Variants in MAML2 observed in about 807,000 individuals in gnomAD.
The protein encoded by MAML2 is mastermind-like protein 2.
In MAML2, 22 loss-of-function variants were observed where a neutral mutation model predicts 96.1. The ratio of observed to expected loss-of-function variants is 0.23; its 90% CI spans 0.16 to 0.33. The LOEUF (loss-of-function observed/expected upper bound fraction) is 0.33. MAML2 is among the 10% of genes least tolerant of loss of function. The probability of loss-of-function intolerance (pLI) is 1.00; values close to 1 mark genes in which losing one functional copy is unlikely to be tolerated. For missense variants in MAML2, 1,367 were observed against 1,392.4 expected, an observed-to-expected ratio of 0.98 and a Z score of 0.29; for synonymous variants, 561 against 521.3, an observed-to-expected ratio of 1.08 and a Z score of -1.04.
chr11:96,271,422 T>G (rs1367596844), intron 1 of MAML2, among the ~76,000 whole-genome samples: 1 of 152,126 alleles, frequency 6.6e-6, no homozygotes, highest in Non-Finnish European at 1.5e-5. Flanking sequence ...TGGAATGATA[T>G]AGTTTGGCTT....
intron 2 of MAML2, among the ~76,000 whole-genome samples, chr11:96,049,720 G>T (rs750096915): frequency 6.6e-6 from 1 of 152,180 alleles, no homozygotes; most frequent in Non-Finnish European, 1.5e-5. Flanking sequence ...TATACAGTAA[G>T]AATTTAATAA....
chr11:95,978,018 A>T lies in MAML2; in HGVS notation c.*930T>A, dbSNP rs1857674397. On this transcript the variant is annotated 3_prime_UTR_variant, in exon 5 of 5. Coordinates refer to ENST00000524717, the MANE Select transcript of MAML2 (RefSeq NM_032427.4). ...ACCAGCCTCAGTCATCAAAATGAGT[A>T]GGGAGGACGAGGTTCAATTTCACTC... 7 of 219,232 alleles carry T rather than the reference A, an allele frequency of 3.2e-5. No individual in the cohort carries two copies. In the East Asian group the frequency reaches 4.7e-4, roughly 15 times the overall value. 13.6% of individuals were successfully genotyped at this position (219,232 alleles called of 1,614,324 possible).
intron 2 of MAML2, among the ~76,000 whole-genome samples, chr11:96,052,455 T>C (rs1859003290): frequency 6.6e-6 from 1 of 152,018 alleles, no homozygotes; most frequent in South Asian, 2.1e-4. Context: ...AGTAAGAGAG[T>C]CAGGAGCCAC....
chr11:96,162,388 G>T (rs115019323), intron 1 of MAML2, among the ~76,000 whole-genome samples: 1 of 151,804 alleles, frequency 6.6e-6, no homozygotes, highest in East Asian at 1.9e-4. Context: ...CTATGCTCCC[G>T]GAATTGTAGT....
intron 1 of MAML2, among the ~76,000 whole-genome samples, chr11:96,189,438 AT>A (rs1205186869): frequency 6.6e-6 from 1 of 152,224 alleles, no homozygotes; most frequent in Non-Finnish European, 1.5e-5. Flanking sequence ...TGAATTCTCC[AT>A]TTGAAATACC....
chr11:96,050,785 A>G (rs1244457696), intron 2 of MAML2, among the ~76,000 whole-genome samples: 2 of 152,204 alleles, frequency 1.3e-5, no homozygotes, highest in African/African-American at 4.8e-5. Flanking sequence ...GAGTTGTTAC[A>G]AGAGTTACTG....
intron 2 of MAML2, among the ~76,000 whole-genome samples, chr11:96,036,908 T>A (rs1347562451): frequency 6.6e-6 from 1 of 152,202 alleles, no homozygotes; most frequent in Non-Finnish European, 1.5e-5. Context: ...TAGTCTCCAC[T>A]CCCAGCTCAG....
At position 96,287,929 on chromosome 11, in the gene MAML2, C is replaced by T. The variant is rs937704509; in HGVS notation, c.513+53454G>A. ...CAGCTGAATCATTAAATACACGTTGCTTGCAATTTTGTGCAGTGGAACGGA... is the reference window on the plus strand; with the variant it reads ...CAGCTGAATCATTAAATACACGTTGTTTGCAATTTTGTGCAGTGGAACGGA... On this transcript the variant is annotated intron_variant, in intron 1 of 4. Transcript: ENST00000524717. 5.9e-5 allele frequency among the ~76,000 whole-genome samples: 9 copies of T among 152,290 alleles called. No homozygotes were observed. In the South Asian group the frequency reaches 1.0e-3, roughly 18 times the overall value.
chr11:96,270,186 G>T (rs1862895493), intron 1 of MAML2, among the ~76,000 whole-genome samples: 1 of 108,104 alleles, frequency 9.3e-6, no homozygotes, highest in South Asian at 2.7e-4. Context: ...AAAAGACTTG[G>T]CATCTAGGTT....
intron 2 of MAML2, among the ~76,000 whole-genome samples, chr11:96,054,214 C>T (rs1859029081): frequency 6.6e-6 from 1 of 152,102 alleles, no homozygotes; most frequent in Admixed American, 6.5e-5. Flanking sequence ...TTGTCAGTGT[C>T]CTGATTCTAA....
At chr11:96,178,969 A>G (rs1174582949) in intron 1 of MAML2, among the ~76,000 whole-genome samples, 1 of 152,224 alleles carries the variant, frequency 6.6e-6, no homozygotes, top group Non-Finnish European at 1.5e-5. Context: ...GCCCGATGAA[A>G]TGGTCACCCT....
At chr11:96,035,170 G>A (rs994567253) in intron 2 of MAML2, among the ~76,000 whole-genome samples, 16 of 152,142 alleles carry the variant, frequency 1.1e-4, no homozygotes, top group Admixed American at 7.9e-4. Context: ...GAATTGTGTG[G>A]TACCCTTTAG....
At chr11:96,258,994 A>AT (rs1292721449) in intron 1 of MAML2, among the ~76,000 whole-genome samples, 1 of 152,086 alleles carries the variant, frequency 6.6e-6, no homozygotes, top group Non-Finnish European at 1.5e-5. Flanking sequence ...AGGCCCTGAG[A>AT]TTTTTTACGA....
In MAML2 at chr11:95,989,148, A is replaced by G. The variant is rs568890164; in HGVS notation, c.2343+2372T>C. Reference sequence around the variant, plus strand: ...TAGGAGAATAATAGAGAATAAGGATAACAAACTTTCATGAGACAACGTCTC... The same window carrying G: ...TAGGAGAATAATAGAGAATAAGGATGACAAACTTTCATGAGACAACGTCTC... On this transcript the variant is annotated intron_variant, in intron 3 of 4. Transcript: ENST00000524717. Among the ~76,000 whole-genome samples the G allele has an allele frequency of 2.0e-5, 3 of 152,368 alleles. No individual in the cohort carries two copies. The East Asian group carries it at 5.8e-4, about 29-fold the overall frequency.
At chr11:96,185,203 G>A (rs564622253) in intron 1 of MAML2, among the ~76,000 whole-genome samples, 1 of 148,476 alleles carries the variant, frequency 6.7e-6, no homozygotes, top group South Asian at 2.1e-4. Context: ...AACTCCATCT[G>A]TGTTACAACC....
intron 2 of MAML2, among the ~76,000 whole-genome samples, chr11:96,031,476 A>C (rs1858613853): frequency 6.6e-6 from 1 of 152,190 alleles, no homozygotes; most frequent in Admixed American, 6.5e-5. Context: ...TATGCTAAGG[A>C]GTATTGCTAA....
intron 1 of MAML2, among the ~76,000 whole-genome samples, chr11:96,313,112 C>T (rs898698214): frequency 7.9e-5 from 12 of 152,146 alleles, no homozygotes; most frequent in Admixed American, 3.9e-4. Flanking sequence ...ACCATCTAAT[C>T]GTCATTATCC....
At chr11:96,060,495 C>A (rs940531816) in intron 2 of MAML2, among the ~76,000 whole-genome samples, 1 of 151,746 alleles carries the variant, frequency 6.6e-6, no homozygotes, top group African/African-American at 2.4e-5. Context: ...TCGCCCAGTA[C>A]AAAATCACCC....
chr11:96,157,845 C>T (rs1282119614), intron 1 of MAML2, among the ~76,000 whole-genome samples: 1 of 152,176 alleles, frequency 6.6e-6, no homozygotes, highest in Non-Finnish European at 1.5e-5. Flanking sequence ...TTTATATTGC[C>T]TTTGTGGGTA....
Sources: allele counts gnomAD v4.1 joint callset (sites outside exome capture counted in the v4.1 genomes callset), GRCh38; gene constraint gnomAD v4.1.1; transcripts MANE v1.5; gene names NCBI Gene and HGNC (gene_info 2026-07-23, HGNC 2026-07-21).